The following DSCAM variants were observed in gnomAD, a reference collection of about 807,000 sequenced individuals.
DSCAM encodes the protein DS cell adhesion molecule, also known as cell adhesion molecule DSCAM.
A neutral mutation model predicts 217.7 loss-of-function variants in DSCAM; 47 were observed. That is an observed-to-expected ratio of 0.22 (90% CI 0.17 to 0.28). The LOEUF is 0.28. Ranked by LOEUF, DSCAM falls within the 10% of genes least tolerant of loss-of-function variation. The probability of loss-of-function intolerance (pLI) is 1.00; values close to 1 mark genes in which losing one functional copy is unlikely to be tolerated. For synonymous variants in DSCAM, 1,056 were observed against 1,015.3 expected (o/e 1.04, Z -0.76); for missense variants, 2,080 against 2,618.3 (o/e 0.79, Z 4.49).
chr21:40,243,869 C>A (rs1265896228), intron 11 of DSCAM, among the ~76,000 whole-genome samples: 3 of 152,168 alleles, frequency 2.0e-5, no homozygotes, highest in Non-Finnish European at 2.9e-5. Context: ...TCTACCGGGG[C>A]AGTGATCCAC....
chr21:40,560,495 C>A (rs1422859843), intron 3 of DSCAM, among the ~76,000 whole-genome samples: 1 of 152,208 alleles, frequency 6.6e-6, no homozygotes, highest in African/African-American at 2.4e-5. Context: ...CAGGTTTGCA[C>A]ATCGGTGTTT....
intron 8 of DSCAM, among the ~76,000 whole-genome samples, chr21:40,335,308 A>G (rs2074418854): frequency 6.6e-6 from 1 of 152,230 alleles, no homozygotes; most frequent in African/African-American, 2.4e-5. Flanking sequence ...CAAGTTTTAT[A>G]CTATATGATA....
chr21:40,131,915 A>G (rs1161447618), intron 19 of DSCAM, among the ~76,000 whole-genome samples: 2 of 152,178 alleles, frequency 1.3e-5, no homozygotes, highest in African/African-American at 4.8e-5. Flanking sequence ...AAGTTTTGAG[A>G]CAGAACTCCA....
At chr21:40,480,315 A>G (rs917555224) in intron 3 of DSCAM, among the ~76,000 whole-genome samples, 2 of 151,948 alleles carry the variant, frequency 1.3e-5, no homozygotes, top group Non-Finnish European at 1.5e-5. Context: ...CATGAGATAA[A>G]GCATTTCCCA....
At chr21:40,057,871 G>GTTTT (rs1568917869) in intron 28 of DSCAM, among the ~76,000 whole-genome samples, 1 of 102,138 alleles carries the variant, frequency 9.8e-6, no homozygotes, top group African/African-American at 4.2e-5. Context: ...GTTCACTGCA[G>GTTTT]TCTTTTTTTT....
intron 3 of DSCAM, among the ~76,000 whole-genome samples, chr21:40,684,222 C>CA (rs919741080): frequency 5.8e-4 from 86 of 148,754 alleles, no homozygotes; most frequent in South Asian, 1.7e-3. Context: ...GAGACTCCAT[C>CA]AAAAAAAAAG....
chr21:40,361,391 C>T (rs2074763330), intron 4 of DSCAM, among the ~76,000 whole-genome samples: 2 of 152,080 alleles, frequency 1.3e-5, no homozygotes, highest in Non-Finnish European at 2.9e-5. Context: ...GAGGCCGAGG[C>T]AGGGGGATCA....
Position 40,062,891 on chromosome 21 carries a change from T to C in DSCAM, c.4897A>G (p.Ser1633Gly). ...QRLKRLRDAK[S>G]LAEMLMSKNT... ...TACCTCATGAGCATTTCAGCTAAACTCTTTGCATCTGGGGAAAGAAAGTTA... is the reference window on the plus strand; with the variant it reads ...TACCTCATGAGCATTTCAGCTAAACCCTTTGCATCTGGGGAAAGAAAGTTA... The change falls in exon 28 of 33, where the codon AGT becomes GGT. Residue 1633 changes from serine to glycine, a missense_variant. Physicochemically the swap from Ser to Gly is moderately conservative, Grantham distance 56. Around this residue, in one of 5 missense-constraint regions of DSCAM, gnomAD observed 1,144 missense variants for 1,421.1 expected, o/e 0.81. Coordinates refer to ENST00000400454, the MANE Select transcript of DSCAM (RefSeq NM_001389.5). 1.3e-6 allele frequency: 2 copies of C among 1,598,500 alleles called. No individual in the cohort carries two copies. The highest frequency in any genetic ancestry group is 8.5e-7 in the Non-Finnish European group (1 of 1,175,024).
chr21:40,157,719 C>CAG (rs3069726), intron 16 of DSCAM, among the ~76,000 whole-genome samples: 97,471 of 150,964 alleles, frequency 0.65, 32,038 homozygotes, highest in South Asian at 0.74. Flanking sequence ...TTTCCTGAGA[C>CAG]AGTCTCGCCT....
At chr21:40,367,710 C>A (rs1010397782) in intron 4 of DSCAM, among the ~76,000 whole-genome samples, 2 of 152,186 alleles carry the variant, frequency 1.3e-5, no homozygotes, top group African/African-American at 2.4e-5. Context: ...CTTCTCCTGG[C>A]ATCTATCACC....
intron 3 of DSCAM, among the ~76,000 whole-genome samples, chr21:40,654,812 A>G (rs2090055399): frequency 6.6e-6 from 1 of 152,156 alleles, no homozygotes. Context: ...TCACATCTCC[A>G]GATTCTTAAT....
intron 25 of DSCAM, 127 bp downstream of exon 25, chr21:40,080,025 A>G: frequency 1.1e-6 from 1 of 872,182 alleles, no homozygotes; most frequent in Non-Finnish European, 1.7e-6. Flanking sequence ...GCACTGCTGA[A>G]GCCATGTGAG....
At chr21:40,460,457 T>C (rs182901294) in intron 3 of DSCAM, among the ~76,000 whole-genome samples, 1 of 152,302 alleles carries the variant, frequency 6.6e-6, no homozygotes, top group East Asian at 1.9e-4. Flanking sequence ...GATACAAAAT[T>C]ATGATTCCAT....
chr21:40,421,343 T>A (rs2075422175), intron 3 of DSCAM, among the ~76,000 whole-genome samples: 1 of 152,180 alleles, frequency 6.6e-6, no homozygotes, highest in African/African-American at 2.4e-5. Context: ...TCCTGTCTTG[T>A]CAAAGGGAAG....
chr21:40,774,014 T>C (rs1250538426), intron 1 of DSCAM, among the ~76,000 whole-genome samples: 2 of 152,058 alleles, frequency 1.3e-5, no homozygotes, highest in Admixed American at 6.6e-5. Context: ...GAAGCTGAAA[T>C]TGGGTTGAGG....
intron 4 of DSCAM, among the ~76,000 whole-genome samples, chr21:40,368,875 A>T (rs531980298): frequency 6.6e-6 from 1 of 152,350 alleles, no homozygotes; most frequent in Non-Finnish European, 1.5e-5. Flanking sequence ...CTAACGCATC[A>T]TTATGTGAAT....
chr21:40,441,718 G>A (rs1463838496), intron 3 of DSCAM, among the ~76,000 whole-genome samples: 1 of 152,080 alleles, frequency 6.6e-6, no homozygotes, highest in African/African-American at 2.4e-5. Context: ...CCAAGCCCTG[G>A]ATGAACCCCA....
chr21:40,666,601 G>A (rs1463573700), intron 3 of DSCAM, among the ~76,000 whole-genome samples: 1 of 152,184 alleles, frequency 6.6e-6, no homozygotes, highest in Non-Finnish European at 1.5e-5. Flanking sequence ...CAGAGGGAAG[G>A]ATTCCTTTTT....
intron 16 of DSCAM, among the ~76,000 whole-genome samples, chr21:40,156,332 A>AGAGAGAGC: frequency 7.2e-6 from 1 of 139,558 alleles, no homozygotes; most frequent in Non-Finnish European, 1.5e-5. Flanking sequence ...AGAGAGAGAG[A>AGAGAGAGC]GAGAGAGAAA....
Sources: gnomAD v4.1 joint callset for allele counts (sites outside exome capture counted in the v4.1 genomes callset) on GRCh38, gnomAD v4.1.1 for gene constraint, gnomAD v4.1.1 regional missense constraint, MANE v1.5 for transcripts, NCBI Gene and HGNC (gene_info 2026-07-23, HGNC 2026-07-21) for gene names.